Variants in EPHB1 observed in about 807,000 individuals in gnomAD.
EPHB1 encodes EPH receptor B1, also known as ephrin type-B receptor 1.
EPHB1 carries 30 observed loss-of-function variants against 94.4 expected under a neutral mutation model. The observed-to-expected ratio is 0.32, with a 90% CI of 0.24 to 0.43. The LOEUF (loss-of-function observed/expected upper bound fraction) is 0.43, where lower values mean the gene tolerates loss of function less well. Among genes scored for constraint, EPHB1 ranks in the 20% least tolerant of loss-of-function variants. The pLI, the probability that EPHB1 is intolerant of heterozygous loss-of-function variation, is 1.00. For missense variants in EPHB1, 1,055 were observed against 1,308.3 expected (o/e 0.81, Z 2.99); for synonymous variants, 522 against 489.1 (o/e 1.07, Z -0.89).
intron 12 of EPHB1, among the ~76,000 whole-genome samples, chr3:135,232,868 G>C (rs967286613): frequency 1.3e-5 from 2 of 152,140 alleles, no homozygotes; most frequent in African/African-American, 4.8e-5. Context: ...CAAGCAAAAG[G>C]GGGGAAAACT....
intron 2 of EPHB1, among the ~76,000 whole-genome samples, chr3:134,945,914 C>T (rs1367377529): frequency 6.6e-6 from 1 of 152,138 alleles, no homozygotes; most frequent in East Asian, 1.9e-4. Flanking sequence ...CAGTGTAGTG[C>T]ATGCAAGACT....
At chr3:135,025,305 C>T (rs1936122931) in intron 3 of EPHB1, among the ~76,000 whole-genome samples, 1 of 130,000 alleles carries the variant, frequency 7.7e-6, no homozygotes, top group Non-Finnish European at 1.6e-5. Context: ...TGGTGTGCTG[C>T]ACCCACTAAC....
chr3:135,216,726 G>GAAAA (rs386397987), intron 12 of EPHB1, among the ~76,000 whole-genome samples: 2 of 105,014 alleles, frequency 1.9e-5, no homozygotes, highest in African/African-American at 3.8e-5. Context: ...CTGTCTCAGG[G>GAAAA]AAAAAAAAAA....
intron 3 of EPHB1, among the ~76,000 whole-genome samples, chr3:135,003,531 G>A (rs1196527428): frequency 1.3e-4 from 19 of 150,252 alleles, no homozygotes; most frequent in Admixed American, 4.0e-4. Flanking sequence ...TTTCTGTCTC[G>A]TTGATCTGTC....
At chr3:135,223,295 G>A (rs1278376972) in intron 12 of EPHB1, among the ~76,000 whole-genome samples, 2 of 152,172 alleles carry the variant, frequency 1.3e-5, no homozygotes, top group East Asian at 3.8e-4. Context: ...GGGTACTGGG[G>A]AAACCTTGCA....
In EPHB1 at chr3:135,248,484, A is replaced by G. The variant is rs377341308; in HGVS notation, c.2665A>G (p.Lys889Glu). 2.1e-5 allele frequency: 34 copies of G among 1,608,426 alleles called. No homozygotes were observed. Among genetic ancestry groups the G allele is most frequent in the Non-Finnish European group, 2.4e-5 (28 of 1,176,022 alleles). ...GATGATCCGGAACCCGGCAAGTCTC[A>G]AGACTGTGGCAACCATCACCGCCGT... ...DKMIRNPASL[K>E]TVATITAVPS... is the part of the protein sequence containing the mutation. Residue 889 changes from lysine (K) to glutamate (E), a missense_variant, in exon 14 of 16, where the codon AAG becomes GAG. Lys to Glu is a moderately conservative substitution (Grantham distance 56, BLOSUM62 1). Transcript: ENST00000398015.
At chr3:134,966,770 C>A (rs967528634) in intron 3 of EPHB1, among the ~76,000 whole-genome samples, 10 of 152,366 alleles carry the variant, frequency 6.6e-5, no homozygotes, top group African/African-American at 2.2e-4. Flanking sequence ...CTAGTGATTT[C>A]TTTTCCCATC....
At chr3:135,117,352 G>A (rs78764666) in intron 4 of EPHB1, among the ~76,000 whole-genome samples, 177 of 152,328 alleles carry the variant, frequency 1.2e-3, no homozygotes, top group East Asian at 7.7e-3. Context: ...ACAATTGGCT[G>A]GAAAATTCCA....
At chr3:135,014,650 G>T (rs1935732687) in intron 3 of EPHB1, among the ~76,000 whole-genome samples, 1 of 152,222 alleles carries the variant, frequency 6.6e-6, no homozygotes, top group South Asian at 2.1e-4. Flanking sequence ...CTGCAGACCA[G>T]TGGAGGACAC....
rs752617157 is a variant in EPHB1 at position 135,249,505 on chromosome 3, A to ATCTC, written c.2846+18_2846+21dup. On this transcript the variant is annotated intron_variant, in intron 15 of 15. Transcript: ENST00000398015. ...GATGACATCAGAGTAAGTGATGAGA[A>ATCTC]TCTCTCTGTCCAGACCACACCTAGG... 1.2e-6 allele frequency: 2 copies of ATCTC among 1,611,224 alleles called. No individual in the cohort carries two copies. The highest frequency in any genetic ancestry group is 2.2e-5 in the South Asian group (2 of 90,408).
In EPHB1 at chr3:134,951,815, C is replaced by T. The variant is rs1441537601; in HGVS notation, c.568C>T (p.Arg190Cys). 4.3e-6 allele frequency: 7 copies of T among 1,613,836 alleles called. No individual in the cohort carries two copies. The highest frequency in any genetic ancestry group is 1.7e-5 in the Admixed American group (1 of 59,990). Residue 190 changes from arginine (R) to cysteine (C), a missense_variant, in exon 3 of 16, where the codon CGT becomes TGT. Physicochemically the swap from Arg to Cys is radical, Grantham distance 180 (BLOSUM62 -3). Coordinates refer to ENST00000398015, the MANE Select transcript of EPHB1 (RefSeq NM_004441.5). The surrounding 1 kb of genome is among the most constrained non-coding windows in gnomAD (Gnocchi z 4.5). ...YGACMSLLSV[R>C]VFFKKCPSIV... ...AGCCTGTATGTCTCTTCTTTCTGTC[C>T]GTGTCTTCTTCAAAAAGTGTCCCAG...
intron 3 of EPHB1, among the ~76,000 whole-genome samples, chr3:135,023,841 C>T (rs906825842): frequency 3.9e-5 from 6 of 152,108 alleles, no homozygotes; most frequent in Non-Finnish European, 8.8e-5. Flanking sequence ...TATTTTATAC[C>T]ATTCTTCTTT....
chr3:135,161,094 G>A (rs1170699637), intron 6 of EPHB1, among the ~76,000 whole-genome samples: 4 of 152,116 alleles, frequency 2.6e-5, no homozygotes. Flanking sequence ...CAAAAGTCCA[G>A]GCACAAATCA....
chr3:134,991,845 A>G (rs1261711026), intron 3 of EPHB1, among the ~76,000 whole-genome samples: 1 of 152,092 alleles, frequency 6.6e-6, no homozygotes, highest in African/African-American at 2.4e-5. Context: ...GACCCCTCCA[A>G]TGAGACAGAG....
intron 12 of EPHB1, among the ~76,000 whole-genome samples, chr3:135,222,420 G>A (rs775100790): frequency 1.6e-4 from 24 of 152,118 alleles, no homozygotes; most frequent in Non-Finnish European, 2.5e-4. Flanking sequence ...GAAGTCCCGC[G>A]GTTCTCATAT....
chr3:134,959,466 A>C (rs150002629), intron 3 of EPHB1, among the ~76,000 whole-genome samples: 111 of 152,290 alleles, frequency 7.3e-4, no homozygotes, highest in African/African-American at 2.6e-3. Flanking sequence ...TGTTTTCAGG[A>C]ATATCGAACT....
chr3:134,806,454 G>A (rs763725858), intron 1 of EPHB1, among the ~76,000 whole-genome samples: 44 of 152,306 alleles, frequency 2.9e-4, no homozygotes, highest in Non-Finnish European at 1.3e-4. Flanking sequence ...AAAGTCTTCA[G>A]TTTGTTGCAA....
chr3:135,225,453 G>GT (rs1232403750), intron 12 of EPHB1, among the ~76,000 whole-genome samples: 1 of 152,188 alleles, frequency 6.6e-6, no homozygotes, highest in Non-Finnish European at 1.5e-5. Context: ...ATCAAAATGA[G>GT]TAAGTTCTCT....
intron 1 of EPHB1, among the ~76,000 whole-genome samples, chr3:134,911,286 G>A (rs999454757): frequency 6.6e-6 from 1 of 152,220 alleles, no homozygotes; most frequent in African/African-American, 2.4e-5. Context: ...GGGAAATGGA[G>A]CAGGAAACCA....
Sources: gnomAD v4.1 joint callset for allele counts (sites outside exome capture counted in the v4.1 genomes callset) on GRCh38, gnomAD v4.1.1 for gene constraint, Gnocchi (gnomAD v3.1) non-coding constraint, MANE v1.5 for transcripts, NCBI Gene and HGNC (gene_info 2026-07-23, HGNC 2026-07-21) for gene names.